The following PCLO variants were observed in gnomAD, a reference collection of about 807,000 sequenced individuals.
PCLO encodes the protein protein piccolo.
Under a neutral mutation model 427.5 loss-of-function variants are expected in PCLO, and 82 were observed. The observed-to-expected ratio is 0.19, with a 90% CI of 0.16 to 0.23. PCLO has a LOEUF of 0.23. Ranked by LOEUF, PCLO falls within the 10% of genes least tolerant of loss-of-function variation. The pLI is 1.00. For missense variants in PCLO, 6,239 were observed against 6,115.9 expected (o/e 1.02, Z -0.67); for synonymous variants, 2,357 against 2,155.4 (o/e 1.09, Z -2.59).
Position 82,951,434 on chromosome 7 carries a change from C to T in PCLO, c.9154G>A (p.Val3052Ile). ...TTGPYPETRQ[V>I]ISGAGISTPQ... ...GTACTAATCCCAGCTCCTGAAATGA[C>T]TTGTCGTGTTTCTGGATATGGACCT... Residue 3052 changes from valine to isoleucine, a missense_variant, in exon 6 of 25, where the codon GTC (valine) becomes ATC (isoleucine). By Grantham distance (29) the Val-to-Ile change is conservative. This residue lies in a region of PCLO where 4,677 missense variants were observed against 4,468.4 expected (regional missense o/e 1.05). Coordinates refer to ENST00000333891, the MANE Select transcript of PCLO (RefSeq NM_033026.6). 6.3e-7 allele frequency: 1 copy of T among 1,592,530 alleles called. No homozygotes were observed. The highest frequency in any genetic ancestry group is 8.6e-7 in the Non-Finnish European group (1 of 1,168,496).
At chr7:83,040,087 T>C (rs1307066807) in intron 3 of PCLO, among the ~76,000 whole-genome samples, 1 of 152,156 alleles carries the variant, frequency 6.6e-6, no homozygotes, top group African/African-American at 2.4e-5. Flanking sequence ...TTTCTATATA[T>C]AAGATCATAT....
chr7:83,133,108 G>C (rs1791614314), intron 3 of PCLO, among the ~76,000 whole-genome samples: 1 of 151,800 alleles, frequency 6.6e-6, no homozygotes, highest in African/African-American at 2.4e-5. Context: ...GTGTTAATTA[G>C]ATCAAAGCAA....
Position 83,038,047 on chromosome 7 carries a change from ATATC to A in PCLO, c.3301-71564_3301-71561del, listed in dbSNP as rs1562933113. Among the ~76,000 whole-genome samples the A allele has an allele frequency of 1.1e-3, 49 of 43,126 alleles. 3 individuals carry two copies. Among genetic ancestry groups the A allele is most frequent in the African/African-American group, 7.7e-3 (41 of 5,346 alleles). The allele number at this position is 43,126 out of a possible 152,430, so 28.3% of individuals were successfully genotyped here. On this transcript the variant is annotated intron_variant, in intron 3 of 24. Transcript: ENST00000333891. ...TATATATATTTATATATTTATATATATATCTTTATATATATATTTATATATTTAT... is the reference window on the plus strand; with the variant it reads ...TATATATATTTATATATTTATATATATTTATATATATATTTATATATTTAT...
chr7:83,106,525 A>G (rs554681184), intron 3 of PCLO, among the ~76,000 whole-genome samples: 1 of 151,412 alleles, frequency 6.6e-6, no homozygotes, highest in South Asian at 2.1e-4. Context: ...AATAATAACT[A>G]CTCTCTTTTA....
intron 15 of PCLO, among the ~76,000 whole-genome samples, chr7:82,836,200 T>A (rs1340306018): frequency 6.6e-6 from 1 of 152,134 alleles, no homozygotes; most frequent in Admixed American, 6.6e-5. Flanking sequence ...GATACTCCCA[T>A]ATTGTGTAAA....
intron 10 of PCLO, among the ~76,000 whole-genome samples, chr7:82,872,622 A>C (rs560202691): frequency 3.9e-5 from 6 of 152,160 alleles, no homozygotes; most frequent in Non-Finnish European, 8.8e-5. Context: ...CAGAAATTTA[A>C]GTTGTATTGT....
At chr7:83,120,359 T>C (rs1791243569) in intron 3 of PCLO, among the ~76,000 whole-genome samples, 1 of 140,332 alleles carries the variant, frequency 7.1e-6, no homozygotes, top group Non-Finnish European at 1.5e-5. Context: ...CAAGATCATG[T>C]CACTGCACTC....
At chr7:83,033,606 T>C (rs1184079222) in intron 3 of PCLO, among the ~76,000 whole-genome samples, 1 of 152,148 alleles carries the variant, frequency 6.6e-6, no homozygotes, top group African/African-American at 2.4e-5. Context: ...AACTAACCTT[T>C]CTATATTAGT....
chr7:82,910,666 A>G (rs971849976), intron 7 of PCLO, among the ~76,000 whole-genome samples: 3 of 152,170 alleles, frequency 2.0e-5, no homozygotes, highest in Admixed American at 2.0e-4. Context: ...TAGAAAAAGT[A>G]AACATCCTAG....
At chr7:83,001,534 G>T (rs893921284) in intron 3 of PCLO, among the ~76,000 whole-genome samples, 2 of 120,582 alleles carry the variant, frequency 1.7e-5, no homozygotes, top group African/African-American at 7.5e-5. Context: ...ACACACAAAG[G>T]AAGTAAGAAA....
intron 10 of PCLO, among the ~76,000 whole-genome samples, chr7:82,858,277 C>A (rs917367778): frequency 6.6e-6 from 1 of 152,044 alleles, no homozygotes; most frequent in African/African-American, 2.4e-5. Context: ...CCTCTCATGA[C>A]AAAAAACTCT....
In PCLO at chr7:82,950,985, A is replaced by G. The variant is rs1795329899; in HGVS notation, c.9603T>C (p.Leu3201=). The G allele has an allele frequency of 6.2e-7, 1 of 1,613,676 alleles. No homozygotes were observed. Among genetic ancestry groups the G allele is most frequent in the Non-Finnish European group, 8.5e-7 (1 of 1,179,880 alleles). ...GTTTATCTTCTTCAGGGACAATTAA[A>G]AGAGCACTTTCATCTCCCACCACTT... is the stretch of plus-strand genomic sequence containing the variant. ...FPEVVGDESA[L]LIVPEEDKQQ... The change falls in exon 6 of 25, where the codon CTT becomes CTC. Residue 3201 remains leucine, a synonymous_variant. Transcript: ENST00000333891.
chr7:83,073,450 A>T (rs1007879690), intron 3 of PCLO, among the ~76,000 whole-genome samples: 1 of 152,056 alleles, frequency 6.6e-6, no homozygotes, highest in African/African-American at 2.4e-5. Flanking sequence ...CTTGTAGAGA[A>T]GATAGAAATG....
At position 83,147,907 on chromosome 7, in the gene PCLO, T is replaced by C. The variant is rs142753561; in HGVS notation, c.1893+6841A>G. Among the ~76,000 whole-genome samples, 53 of 152,342 alleles carry C rather than the reference T, an allele frequency of 3.5e-4. 2 individuals are homozygous for C. In the East Asian group the frequency reaches 7.7e-3, roughly 22 times the overall value. On this transcript the variant is annotated intron_variant, in intron 2 of 24. Coordinates refer to ENST00000333891, the MANE Select transcript of PCLO (RefSeq NM_033026.6). ...TGGTAGCCAATAGAATATCAAATAG[T>C]AGATTTTGATTTTATTTTTATGTAT...
chr7:83,011,515 G>T (rs1454561457), intron 3 of PCLO, among the ~76,000 whole-genome samples: 2 of 151,286 alleles, frequency 1.3e-5, no homozygotes, highest in African/African-American at 4.9e-5. Context: ...CTCATTATGT[G>T]ATTTTATTCT....
In PCLO at chr7:83,129,360, T is replaced by A. The variant is rs1290313541; in HGVS notation, c.3300+4890A>T. ...TTTTTTTTCTGGATCATAATTAAAA[T>A]CATCTATTTACGTTTAATATCTAAA... On this transcript the variant is annotated intron_variant, in intron 3 of 24. Transcript: ENST00000333891. 3.3e-5 allele frequency among the ~76,000 whole-genome samples: 5 copies of A among 152,236 alleles called. No individual in the cohort carries two copies. In the East Asian group the frequency reaches 9.7e-4, roughly 29 times the overall value.
At chr7:83,071,493 A>T (rs774021196) in intron 3 of PCLO, among the ~76,000 whole-genome samples, 4 of 152,208 alleles carry the variant, frequency 2.6e-5, no homozygotes, top group Admixed American at 2.6e-4. Context: ...TCACTCTTCA[A>T]GTAATAAAAC....
intron 18 of PCLO, 63 bp downstream of exon 18, chr7:82,826,526 C>T (rs1791947564): frequency 6.6e-6 from 7 of 1,054,498 alleles, no homozygotes; most frequent in Non-Finnish European, 1.0e-5. Context: ...ACATGCTTTG[C>T]ATCGTGCTTT....
intron 1 of PCLO, among the ~76,000 whole-genome samples, chr7:83,160,043 T>C (rs1382167959): frequency 1.3e-5 from 2 of 152,130 alleles, no homozygotes; most frequent in African/African-American, 4.8e-5. Context: ...ATTCAACAAT[T>C]TGTCTGTAGC....
Sources: allele counts gnomAD v4.1 joint callset (sites outside exome capture counted in the v4.1 genomes callset), GRCh38; gene constraint gnomAD v4.1.1; regional missense constraint gnomAD v4.1.1; transcripts MANE v1.5; gene names NCBI Gene and HGNC (gene_info 2026-07-23, HGNC 2026-07-21).